SCUBE1: variants seen among roughly 807,000 people sequenced by gnomAD.
SCUBE1 encodes the protein signal peptide, CUB domain and EGF like domain containing 1.
SCUBE1 carries 59 observed loss-of-function variants against 124.4 expected under a neutral mutation model. The observed-to-expected ratio is 0.47, with a 90% confidence interval of 0.38 to 0.59. The LOEUF is 0.59. SCUBE1 is among the 20% of genes least tolerant of loss of function. The probability of loss-of-function intolerance (pLI) is 0.00; values close to 1 mark genes in which losing one functional copy is unlikely to be tolerated. For synonymous variants in SCUBE1, 545 were observed against 550.9 expected, an observed-to-expected ratio of 0.99 and a Z score of 0.15; for missense variants, 1,150 against 1,371.2, an observed-to-expected ratio of 0.84 and a Z score of 2.55.
At chr22:43,247,855 A>G (rs1923279141) in intron 6 of SCUBE1, among the ~76,000 whole-genome samples, 1 of 152,214 alleles carries the variant, frequency 6.6e-6, no homozygotes, top group Non-Finnish European at 1.5e-5. Flanking sequence ...GGCACCTTCC[A>G]TTACAGCTCC....
intron 6 of SCUBE1, among the ~76,000 whole-genome samples, chr22:43,245,637 T>A (rs1267247715): frequency 6.6e-6 from 1 of 152,032 alleles, no homozygotes; most frequent in Non-Finnish European, 1.5e-5. Flanking sequence ...CACCCAGGCC[T>A]CTGAGGCAGC....
intron 21 of SCUBE1, among the ~76,000 whole-genome samples, chr22:43,205,704 CCACTCACCACA>C (rs201510234): frequency 2.2e-4 from 23 of 103,832 alleles, no homozygotes; most frequent in African/African-American, 6.8e-4. Context: ...CACACACCAC[CCACTCACCACA>C]CACTCACCCC....
intron 5 of SCUBE1, among the ~76,000 whole-genome samples, chr22:43,259,648 C>G (rs1414849629): frequency 6.6e-6 from 1 of 152,144 alleles, no homozygotes; most frequent in Non-Finnish European, 1.5e-5. Flanking sequence ...GGACACATGC[C>G]GTCTCCACAG....
intron 3 of SCUBE1, among the ~76,000 whole-genome samples, chr22:43,317,875 C>T (rs1237216896): frequency 6.6e-6 from 1 of 152,176 alleles, no homozygotes; most frequent in Non-Finnish European, 1.5e-5. Flanking sequence ...TGCAACACGA[C>T]TGGTGTCCTC....
intron 13 of SCUBE1, 116 bp from the exon 14 acceptor site, chr22:43,220,703 GA>G: frequency 7.5e-7 from 1 of 1,333,148 alleles, no homozygotes; most frequent in Non-Finnish European, 1.0e-6. Flanking sequence ...GGTGCAGACG[GA>G]AAAACTCAGG....
chr22:43,248,300 C>T lies in SCUBE1; in HGVS notation c.728-9346G>A, dbSNP rs1055211957. ...GGCCACCCAAGAGTGCCAGGCCCAA[C>T]GCACAAGGTGGCCTGGGTGGGCCAC... On this transcript the variant is annotated intron_variant, in intron 6 of 21. Transcript: ENST00000360835. Among the ~76,000 whole-genome samples the T allele has an allele frequency of 2.0e-5, 3 of 152,314 alleles. No homozygotes were observed. The East Asian group carries it at 5.8e-4, about 29-fold the overall frequency.
At position 43,231,886 on chromosome 22, in the gene SCUBE1, C is replaced by CA; in HGVS notation, c.845-12dup. The CA allele has an allele frequency of 6.2e-7, 1 of 1,611,762 alleles. No homozygotes were observed. On this transcript the variant is annotated splice_polypyrimidine_tract_variant and intron_variant, in intron 7 of 21. Transcript: ENST00000360835. Reference sequence around the variant, plus strand: ...GGCACTCGTTGATGTCTGTGGGAGCCAAGGGGGATGGAGGAGTGAGAGCCA... The same window carrying CA: ...GGCACTCGTTGATGTCTGTGGGAGCCAAAGGGGGATGGAGGAGTGAGAGCCA...
At chr22:43,216,358 A>T (rs1921810640) in intron 15 of SCUBE1, among the ~76,000 whole-genome samples, 1 of 149,040 alleles carries the variant, frequency 6.7e-6, no homozygotes. Context: ...AAAATAAGTT[A>T]TTGAAAGTAG....
intron 7 of SCUBE1, among the ~76,000 whole-genome samples, chr22:43,235,684 C>T (rs1922732077): frequency 1.3e-5 from 2 of 152,132 alleles, no homozygotes; most frequent in Admixed American, 1.3e-4. Flanking sequence ...TCTCTCACTG[C>T]CAGCCACCGG....
chr22:43,225,896 CT>C (rs936354797), intron 10 of SCUBE1, among the ~76,000 whole-genome samples: 2 of 152,088 alleles, frequency 1.3e-5, no homozygotes, highest in Non-Finnish European at 2.9e-5. Flanking sequence ...CGGAGATCCC[CT>C]CATGCTGCCT....
At chr22:43,265,898 C>T (rs1436673286) in intron 4 of SCUBE1, among the ~76,000 whole-genome samples, 1 of 152,118 alleles carries the variant, frequency 6.6e-6, no homozygotes, top group African/African-American at 2.4e-5. Context: ...GTCAGGAGCT[C>T]GAGACTAGCC....
intron 2 of SCUBE1, among the ~76,000 whole-genome samples, chr22:43,325,268 A>G (rs1263106705): frequency 6.6e-6 from 1 of 151,852 alleles, no homozygotes; most frequent in African/African-American, 2.4e-5. Flanking sequence ...TGTGAGATGA[A>G]TATTTTAAAA....
intron 2 of SCUBE1, among the ~76,000 whole-genome samples, chr22:43,330,600 C>G (rs1926874089): frequency 6.6e-6 from 1 of 152,252 alleles, no homozygotes. Context: ...ATTCTTGATA[C>G]TCAACTGAAT....
intron 4 of SCUBE1, among the ~76,000 whole-genome samples, chr22:43,285,922 G>C (rs1925121813): frequency 6.6e-6 from 1 of 152,212 alleles, no homozygotes; most frequent in South Asian, 2.1e-4. Flanking sequence ...TGGGTGCAAG[G>C]ACCACCAGCT....
chr22:43,268,341 C>T (rs902729607), intron 4 of SCUBE1, among the ~76,000 whole-genome samples: 1 of 152,260 alleles, frequency 6.6e-6, no homozygotes, highest in African/African-American at 2.4e-5. Flanking sequence ...GCAAGTTCAG[C>T]AGAGAGCCCT....
At chr22:43,326,377 A>C (rs995121670) in intron 2 of SCUBE1, among the ~76,000 whole-genome samples, 9 of 152,162 alleles carry the variant, frequency 5.9e-5, no homozygotes, top group Admixed American at 5.9e-4. Flanking sequence ...TTGAGTCCTT[A>C]TTGATGAATA....
intron 10 of SCUBE1, 58 bp downstream of exon 10, chr22:43,227,316 C>T (rs1922356902): frequency 2.6e-6 from 4 of 1,562,870 alleles, no homozygotes. Flanking sequence ...AAGCCACTGT[C>T]CCTCCCATCC....
chr22:43,296,578 C>T (rs1282419829), intron 3 of SCUBE1, among the ~76,000 whole-genome samples: 2 of 152,352 alleles, frequency 1.3e-5, no homozygotes, highest in African/African-American at 4.8e-5. Context: ...ATCCTTTCAA[C>T]TGGTGAGAGA....
At chr22:43,246,409 G>A (rs771802036) in intron 6 of SCUBE1, among the ~76,000 whole-genome samples, 6 of 152,142 alleles carry the variant, frequency 3.9e-5, no homozygotes, top group South Asian at 2.1e-4. Context: ...GTGCTCTTCC[G>A]TGCACCAGGC....
Sources: gnomAD v4.1 joint callset for allele counts (sites outside exome capture counted in the v4.1 genomes callset) on GRCh38, gnomAD v4.1.1 for gene constraint, MANE v1.5 for transcripts, NCBI Gene and HGNC (gene_info 2026-07-23, HGNC 2026-07-21) for gene names.